Variants in AP2A2 observed in about 807,000 individuals in gnomAD.
AP2A2 encodes AP-2 complex subunit alpha-2.
In AP2A2, 32 loss-of-function variants were observed where a neutral mutation model predicts 104.2. That is an observed-to-expected ratio of 0.31 (90% confidence interval 0.23 to 0.41). The LOEUF is 0.41. Ranked by LOEUF, AP2A2 falls within the 10% of genes least tolerant of loss-of-function variation. AP2A2 has a pLI of 1.00. For missense variants in AP2A2, 912 were observed against 1,261.0 expected (o/e 0.72, Z 4.19); for synonymous variants, 539 against 533.3 (o/e 1.01, Z -0.15).
rs1416256616 is a variant in AP2A2, at chr11:1,009,672, T to C, written c.2608-11T>C. The C allele has an allele frequency of 5.1e-6, 8 of 1,565,146 alleles. No individual in the cohort carries two copies. The highest frequency in any genetic ancestry group is 6.1e-6 in the Non-Finnish European group (7 of 1,152,214). On this transcript the variant is annotated splice_polypyrimidine_tract_variant and intron_variant, in intron 20 of 21. Coordinates refer to ENST00000448903, the MANE Select transcript of AP2A2 (RefSeq NM_012305.4). ...GCGCCAGGGTCCTCATTCTCCTGTT[T>C]CTTTGGACAGATCATTGGATTTGGT...
chr11:932,035 G>A (rs998197351), intron 1 of AP2A2, among the ~76,000 whole-genome samples: 11 of 151,530 alleles, frequency 7.3e-5, no homozygotes, highest in African/African-American at 2.7e-4. Flanking sequence ...TCCTGACCTC[G>A]TGAGCCACCA....
At chr11:977,022 C>T (rs1855065403) in intron 4 of AP2A2, 73 bp from the exon 5 acceptor site, 8 of 1,593,910 alleles carry the variant, frequency 5.0e-6, no homozygotes, top group Non-Finnish European at 6.8e-6. Context: ...CCTGCTGGCT[C>T]TGGGGGGGTG....
chr11:997,884 A>G (rs1564818509), intron 14 of AP2A2, among the ~76,000 whole-genome samples: 1 of 152,202 alleles, frequency 6.6e-6, no homozygotes, highest in Non-Finnish European at 1.5e-5. Context: ...CAGCCTGGGT[A>G]ACAGAGTGAG....
chr11:952,223 G>A (rs1178911538), intron 1 of AP2A2, among the ~76,000 whole-genome samples: 1 of 152,172 alleles, frequency 6.6e-6, no homozygotes, highest in Non-Finnish European at 1.5e-5. Flanking sequence ...GCTGCACATT[G>A]CAAGGACAGA....
intron 9 of AP2A2, among the ~76,000 whole-genome samples, 189 bp from the exon 10 acceptor site, chr11:988,337 TGGCCTGTGCGGGAGGGCCGGGCCAGC>T (rs1855531380): frequency 2.0e-5 from 3 of 152,224 alleles, no homozygotes; most frequent in Non-Finnish European, 4.4e-5. Flanking sequence ...CTAGCGAAGC[TGGCCTGTGCGGGAGGGCCGGGCCAGC>T]AGGCGGAACT....
intron 14 of AP2A2, among the ~76,000 whole-genome samples, chr11:995,837 G>A (rs1006139143): frequency 1.2e-4 from 12 of 96,542 alleles, no homozygotes; most frequent in African/African-American, 3.7e-4. Flanking sequence ...TGCTGTGCCC[G>A]CCATCTGGAG....
chr11:990,443 ATTG>A (rs755313836), intron 10 of AP2A2, among the ~76,000 whole-genome samples: 10 of 151,684 alleles, frequency 6.6e-5, no homozygotes, highest in African/African-American at 2.0e-4. Flanking sequence ...CTCGTTCCTG[ATTG>A]TTGTTCTGGG....
Position 953,618 on chromosome 11 carries a change from G to GCTCCGTCTGC in AP2A2, c.68-5796_68-5787dup, listed in dbSNP as rs55712745. Among the ~76,000 whole-genome samples the GCTCCGTCTGC allele has an allele frequency of 1.1e-3, 160 of 149,872 alleles. 4 individuals are homozygous for GCTCCGTCTGC. In the South Asian group the frequency reaches 0.021, roughly 20 times the overall value. ...GTTGGAAGTCCCTGGCTCCGTCCTG[G>GCTCCGTCTGC]CTCCGTCTGCCTCCGTCTGCCTCCG... On this transcript the variant is annotated intron_variant, in intron 1 of 21. Coordinates refer to ENST00000448903, the MANE Select transcript of AP2A2 (RefSeq NM_012305.4).
intron 1 of AP2A2, among the ~76,000 whole-genome samples, chr11:952,004 G>GA (rs2098485319): frequency 1.3e-5 from 2 of 152,118 alleles, no homozygotes; most frequent in South Asian, 4.2e-4. Flanking sequence ...TAGTAGCTGG[G>GA]ACCACAGGCA....
At position 992,980 on chromosome 11, in the gene AP2A2, C is replaced by T. The variant is rs557341529; in HGVS notation, c.1452+295C>T. 2.9e-4 allele frequency among the ~76,000 whole-genome samples: 44 copies of T among 152,256 alleles called. No homozygotes were observed. In the Middle Eastern group the frequency reaches 0.01, roughly 35 times the overall value. On this transcript the variant is annotated intron_variant, in intron 11 of 21. Transcript: ENST00000448903. The surrounding 1 kb of genome is among the most constrained non-coding windows in gnomAD (Gnocchi z 6.4). Reference sequence around the variant, plus strand: ...CCGTGGTGGGGCCTGCCCTGTCCGTCGGAGAGGGTTAGGCCACCGGCAAGG... The same window carrying T: ...CCGTGGTGGGGCCTGCCCTGTCCGTTGGAGAGGGTTAGGCCACCGGCAAGG...
intron 2 of AP2A2, among the ~76,000 whole-genome samples, chr11:969,477 C>T (rs556580454): frequency 7.9e-4 from 120 of 152,162 alleles, no homozygotes; most frequent in African/African-American, 2.8e-3. Flanking sequence ...CCACCTGCCT[C>T]GGCCTCCCAA....
intron 14 of AP2A2, chr11:995,355 T>C (rs1327082444): frequency 2.2e-6 from 1 of 455,948 alleles, no homozygotes; most frequent in Non-Finnish European, 4.4e-6. Context: ...AGTGTCGTTT[T>C]GAGAGTTGCG....
At chr11:1,009,869 C>T in intron 21 of AP2A2, 52 bp downstream of exon 21, 1 of 1,519,300 alleles carries the variant, frequency 6.6e-7, no homozygotes, top group South Asian at 1.2e-5. Context: ...TTTATTCTGG[C>T]ACAATGTACG....
intron 4 of AP2A2, among the ~76,000 whole-genome samples, chr11:973,846 C>G (rs1854919272): frequency 6.6e-6 from 1 of 152,198 alleles, no homozygotes; most frequent in Non-Finnish European, 1.5e-5. Context: ...TTCCTGGGCT[C>G]TGAGGTTTCT....
At chr11:1,007,106 T>C (rs1159782315) in intron 17 of AP2A2, 1 of 155,450 alleles carries the variant, frequency 6.4e-6, no homozygotes, top group Non-Finnish European at 1.4e-5. Context: ...CTTCCCCAGC[T>C]AAAACAGGGA....
intron 2 of AP2A2, among the ~76,000 whole-genome samples, chr11:960,296 G>T (rs1854387214): frequency 6.6e-6 from 1 of 150,756 alleles, no homozygotes; most frequent in African/African-American, 2.4e-5. Context: ...AGTGTGGAGT[G>T]CAGTGGCACG....
At chr11:994,322 C>T (rs1855768291) in intron 14 of AP2A2, 77 bp downstream of exon 14, 2 of 1,558,542 alleles carry the variant, frequency 1.3e-6, no homozygotes, top group Admixed American at 1.8e-5. Context: ...GAGCATTTGC[C>T]TGTCAGGGAG....
intron 15 of AP2A2, among the ~76,000 whole-genome samples, chr11:1,003,208 G>A (rs1404603384): frequency 6.6e-6 from 1 of 152,252 alleles, no homozygotes; most frequent in Non-Finnish European, 1.5e-5. Flanking sequence ...CACGCATGGG[G>A]CGAGAGGAGA....
chr11:955,478 C>T (rs1453726157), intron 1 of AP2A2, among the ~76,000 whole-genome samples: 3 of 152,316 alleles, frequency 2.0e-5, no homozygotes, highest in East Asian at 3.9e-4. Context: ...AGACGCTGGG[C>T]AGCCTGCCCA....
Sources: allele counts gnomAD v4.1 joint callset (sites outside exome capture counted in the v4.1 genomes callset), GRCh38; gene constraint gnomAD v4.1.1; non-coding constraint Gnocchi (gnomAD v3.1); transcripts MANE v1.5; gene names NCBI Gene and HGNC (gene_info 2026-07-23, HGNC 2026-07-21).